Variants in POLG observed in about 807,000 individuals in gnomAD.
The protein encoded by POLG is DNA polymerase gamma, catalytic subunit, also known as DNA polymerase subunit gamma-1.
POLG carries 110 observed loss-of-function variants against 155.4 expected under a neutral mutation model. That is an observed-to-expected ratio of 0.71 (90% CI 0.61 to 0.83). POLG has a LOEUF of 0.83. POLG is among the 40% of genes least tolerant of loss of function. POLG has a pLI of 0.00. For missense variants in POLG, 1,685 were observed against 1,627.5 expected (o/e 1.04, Z -0.61); for synonymous variants, 701 against 631.5 (o/e 1.11, Z -1.65).
chr15:89,322,934 GC>G, intron 13 of POLG, 32 bp from the exon 14 acceptor site: 1 of 1,607,436 alleles, frequency 6.2e-7, no homozygotes, highest in Non-Finnish European at 8.5e-7. Context: ...GGGGCTGGAG[GC>G]AGGTGGCAGA....
rs534046887 is a variant in POLG, at chr15:89,321,616, C to G, written c.2598+120G>C. The G allele has an allele frequency of 1.6e-3, 1,340 of 831,356 alleles. 3 individuals are homozygous for G. The highest frequency in any genetic ancestry group is 2.0e-3 in the Middle Eastern group (6 of 2,954). 51.5% of individuals were successfully genotyped at this position (831,356 alleles called of 1,614,324 possible). A position where few individuals can be genotyped will look rare whatever the true frequency, so the allele number is the denominator to read the frequency against. ...AAGCCAGATTTGACTAGAGTCCTGCCTGACCCAGATCACAGGGTCCTTTTC... is the reference window on the plus strand; with the variant it reads ...AAGCCAGATTTGACTAGAGTCCTGCGTGACCCAGATCACAGGGTCCTTTTC... On this transcript the variant is annotated intron_variant, in intron 16 of 22. Transcript: ENST00000268124.
chr15:89,330,684 G>T (rs1332894318), intron 2 of POLG, among the ~76,000 whole-genome samples: 2 of 151,698 alleles, frequency 1.3e-5, no homozygotes, highest in African/African-American at 4.9e-5. Context: ...TACTAGTAAA[G>T]GAGATAGACA....
In POLG at chr15:89,325,037, A is replaced by AGAGTGAGAGTGAGAGAGTGAGT. The variant is rs2055452633; in HGVS notation, c.1949+412_1949+413insACTCACTCTCTCACTCTCACTC. On this transcript the variant is annotated intron_variant, in intron 10 of 22. Coordinates refer to ENST00000268124, the MANE Select transcript of POLG (RefSeq NM_002693.3). ...CATGGAAGAAAAAACCTGAACCCAG[A>AGAGTGAGAGTGAGAGAGTGAGT]GAGTGAGTGAGTGAGTGAGAGAGTG... 2.5e-4 allele frequency among the ~76,000 whole-genome samples: 18 copies of AGAGTGAGAGTGAGAGAGTGAGT among 70,868 alleles called. 3 individuals carry two copies. The highest frequency in any genetic ancestry group is 9.4e-4 in the African/African-American group (17 of 18,072). 46.5% of individuals were successfully genotyped at this position (70,868 alleles called of 152,430 possible).
At chr15:89,328,885 G>A (rs935522799) in intron 4 of POLG, 54 bp from the exon 5 acceptor site, 210 of 1,613,832 alleles carry the variant, frequency 1.3e-4, no homozygotes, top group Middle Eastern at 1.2e-3. Context: ...GGGCCAGACG[G>A]GCTGGTGAGA....
At chr15:89,318,401 T>C (rs1003760367) in intron 21 of POLG, 140 bp downstream of exon 21, 1 of 681,724 alleles carries the variant, frequency 1.5e-6, no homozygotes, top group Non-Finnish European at 2.5e-6. Context: ...TTTTTAAAAA[T>C]TAGAAATAAA....
Position 89,319,083 on chromosome 15 carries a change from A to T in POLG, c.3121T>A (p.Trp1041Arg), listed in dbSNP as rs2055354733. ...CATGCCCGTTCAGCAACCACCTCCC[A>T]CTTCTTCCACTGTGACCTAAGGGAC... ...ETARKSQWKK[W>R]EVVAERAWKG... Residue 1041 changes from tryptophan to arginine, a missense_variant, in exon 20 of 23, where the codon TGG becomes AGG. Coordinates refer to ENST00000268124, the MANE Select transcript of POLG (RefSeq NM_002693.3). The T allele has an allele frequency of 6.2e-7, 1 of 1,613,780 alleles. No individual in the cohort carries two copies. The highest frequency in any genetic ancestry group is 1.3e-5 in the African/African-American group (1 of 74,792).
At position 89,328,599 on chromosome 15, in the gene POLG, G is replaced by A; in HGVS notation, c.1171-64C>T. ...ATCCCATTACCACCACCAGCTCTCA[G>A]GGTCAGGCCTGGCAGCTGCATCTCC... is the stretch of plus-strand genomic sequence containing the variant. On this transcript the variant is annotated intron_variant, in intron 5 of 22. Transcript: ENST00000268124. The A allele has an allele frequency of 1.9e-6, 3 of 1,608,022 alleles. No individual in the cohort carries two copies. In the South Asian group the frequency reaches 3.3e-5, roughly 18 times the overall value.
chr15:89,328,428 A>C (rs371905951), intron 6 of POLG, 28 bp downstream of exon 6: 21 of 1,580,108 alleles, frequency 1.3e-5, no homozygotes, highest in Middle Eastern at 1.7e-4. Flanking sequence ...ACTGACCCCC[A>C]GAGATTCCCA....
chr15:89,318,747 A>G lies in POLG; in HGVS notation c.3276T>C (p.Phe1092=), dbSNP rs74034411. ...ALEPSAVQEE[F]MTSRVNWVVQ... The stretch of plus-strand genomic sequence containing the variant: ...CCACCCAATTCACACGGCTGGTCAT[A>G]AACTGGGAAGGGAAGGTGGGCAGAG... The change falls in exon 21 of 23, where the codon TTT becomes TTC. Residue 1092 remains phenylalanine, a splice_region_variant and synonymous_variant. Transcript: ENST00000268124. 2 of 1,613,760 alleles carry G rather than the reference A, an allele frequency of 1.2e-6. No homozygotes were observed. Among genetic ancestry groups the G allele is most frequent in the Non-Finnish European group, 1.7e-6 (2 of 1,179,744 alleles).
intron 10 of POLG, among the ~76,000 whole-genome samples, chr15:89,324,842 C>T (rs879263830): frequency 1.3e-5 from 2 of 152,206 alleles, no homozygotes; most frequent in Admixed American, 6.5e-5. Flanking sequence ...AAATTATATA[C>T]ACACACTTTT....
intron 22 of POLG, chr15:89,317,129 A>C: frequency 1.7e-6 from 1 of 595,468 alleles, no homozygotes; most frequent in Non-Finnish European, 3.0e-6. Context: ...ATCTTTAAAC[A>C]TTTCTTCTGT....
At position 89,330,138 on chromosome 15, in the gene POLG, CACT is replaced by C; in HGVS notation, c.795_797del (p.Val267del). The C allele has an allele frequency of 6.2e-7, 1 of 1,614,052 alleles. No individual in the cohort carries two copies. The highest frequency in any genetic ancestry group is 8.5e-7 in the Non-Finnish European group (1 of 1,180,040). On this transcript the variant is annotated inframe_deletion, in exon 3 of 23. Transcript: ENST00000268124. Reference sequence around the variant, plus strand: ...GGTCAAAGGAAACATTGTGCCCCACCACTAACTGCTCCTGCCAGTCTCTCTGGG... The same window carrying C: ...GGTCAAAGGAAACATTGTGCCCCACCAACTGCTCCTGCCAGTCTCTCTGGG...
At position 89,330,103 on chromosome 15, in the gene POLG, A is replaced by G. The variant is rs779502496; in HGVS notation, c.833T>C (p.Ile278Thr). 4.3e-6 allele frequency: 7 copies of G among 1,613,998 alleles called. No individual in the cohort carries two copies. The highest frequency in any genetic ancestry group is 4.0e-5 in the African/African-American group (3 of 74,922). Residue 278 changes from isoleucine to threonine, a missense_variant, in exon 3 of 23, where the codon ATC becomes ACC. Physicochemically the swap from Ile to Thr is moderately conservative, Grantham distance 89. This residue lies in a region of POLG where 1,210 missense variants were observed against 1,167.1 expected (regional missense o/e 1.04). Coordinates refer to ENST00000268124, the MANE Select transcript of POLG (RefSeq NM_002693.3). ...TACCTGGATCAGGTACTGCTCCCTG[A>G]TATGAGCTCGGTCAAAGGAAACATT... ...GHNVSFDRAH[I>T]REQYLIQGSR... is the part of the protein sequence containing the mutation.
chr15:89,317,098 A>ATTCT (rs2055295338), intron 22 of POLG: 5 of 591,756 alleles, frequency 8.4e-6, no homozygotes, highest in East Asian at 2.9e-5. Context: ...GAGTGCAAGA[A>ATTCT]TGCACTCTAT....
intron 16 of POLG, 109 bp downstream of exon 16, chr15:89,321,627 C>T (rs1392175885): frequency 1.2e-6 from 1 of 860,210 alleles, no homozygotes; most frequent in Non-Finnish European, 2.0e-6. Context: ...TGACCCAGAT[C>T]ACAGGGTCCT....
At chr15:89,320,253 CAG>C (rs998478015) in intron 18 of POLG, among the ~76,000 whole-genome samples, 6 of 152,180 alleles carry the variant, frequency 3.9e-5, no homozygotes, top group Admixed American at 6.5e-5. Context: ...TGGAACCCTG[CAG>C]AGAGTCTGCT....
intron 12 of POLG, 92 bp from the exon 13 acceptor site, chr15:89,323,603 TGTC>T (rs960213297): frequency 1.1e-6 from 1 of 891,300 alleles, no homozygotes; most frequent in South Asian, 1.3e-5. Flanking sequence ...GGCCTGAAAC[TGTC>T]GTCATCAGCT....
Position 89,316,396 on chromosome 15 carries a change from G to A in POLG, c.*355C>T, listed in dbSNP as rs1294449225. The A allele has an allele frequency of 1.2e-6, 2 of 1,611,382 alleles. No individual in the cohort carries two copies. Among genetic ancestry groups the A allele is most frequent in the Non-Finnish European group, 1.7e-6 (2 of 1,178,470 alleles). ...AGAGCATTAATTCTTTCCCCTTCTA[G>A]GGCACTGCATCAGAGCATGGGGGAC... is the stretch of plus-strand genomic sequence containing the variant. On this transcript the variant is annotated 3_prime_UTR_variant, in exon 23 of 23. Coordinates refer to ENST00000268124, the MANE Select transcript of POLG (RefSeq NM_002693.3).
chr15:89,316,438 C>G lies in POLG; in HGVS notation c.*313G>C, dbSNP rs1055441854. On this transcript the variant is annotated 3_prime_UTR_variant, in exon 23 of 23. Transcript: ENST00000268124. Reference sequence around the variant, plus strand: ...ATGGGGGACAGAACAAAGAACCAGCCAAGAAGAAAAGGAAAAAATAAATGA... The same window carrying G: ...ATGGGGGACAGAACAAAGAACCAGCGAAGAAGAAAAGGAAAAAATAAATGA... The G allele has an allele frequency of 6.2e-7, 1 of 1,611,418 alleles. No homozygotes were observed. Among genetic ancestry groups the G allele is most frequent in the Non-Finnish European group, 8.5e-7 (1 of 1,178,416 alleles).
Sources: allele counts gnomAD v4.1 joint callset (sites outside exome capture counted in the v4.1 genomes callset), GRCh38; gene constraint gnomAD v4.1.1; regional missense constraint gnomAD v4.1.1; transcripts MANE v1.5; gene names NCBI Gene and HGNC (gene_info 2026-07-23, HGNC 2026-07-21).